Variants in ADAMTS13 observed in about 807,000 individuals in gnomAD.
ADAMTS13 encodes ADAM metallopeptidase with thrombospondin type 1 motif 13.
Under a neutral mutation model 155.1 loss-of-function variants are expected in ADAMTS13, and 110 were observed. The observed-to-expected ratio is 0.71, with a 90% CI of 0.61 to 0.83. The LOEUF is 0.83. Ranked by LOEUF, ADAMTS13 falls within the 40% of genes least tolerant of loss-of-function variation. The pLI is 0.00. For synonymous variants in ADAMTS13, 758 were observed against 756.4 expected (o/e 1.00, Z -0.03); for missense variants, 1,707 against 1,891.7 (o/e 0.90, Z 1.81).
chr9:133,429,801 G>C (rs1554786558), intron 7 of ADAMTS13, 138 bp from the exon 8 acceptor site: 1 of 1,181,510 alleles, frequency 8.5e-7, no homozygotes, highest in South Asian at 1.3e-5. Context: ...GGTGGGGGGC[G>C]CGGGCCGAGA....
intron 24 of ADAMTS13, among the ~76,000 whole-genome samples, chr9:133,454,837 C>T (rs372920181): frequency 3.3e-5 from 5 of 152,034 alleles, no homozygotes; most frequent in East Asian, 1.9e-4. Context: ...GGTTTGGGGA[C>T]GCTGGAAGAT....
At chr9:133,428,160 T>A (rs1034457311) in intron 6 of ADAMTS13, among the ~76,000 whole-genome samples, 7 of 150,414 alleles carry the variant, frequency 4.7e-5, no homozygotes, top group African/African-American at 1.7e-4. Flanking sequence ...ACGGTTCACC[T>A]TCCTGGCCTA....
rs910327853 is a variant in ADAMTS13, at chr9:133,440,856, C to T, written c.1968+331C>T. Reference sequence around the variant, plus strand: ...TGATGGAGCTGAGGTGTCAGATGAGCAGATGTTGCTGGGCCAAGCAGGGAA... The same window carrying T: ...TGATGGAGCTGAGGTGTCAGATGAGTAGATGTTGCTGGGCCAAGCAGGGAA... On this transcript the variant is annotated intron_variant, in intron 16 of 28. Coordinates refer to ENST00000355699, the MANE Select transcript of ADAMTS13 (RefSeq NM_139027.6). This position sits in a 1 kb window ranked among gnomAD's most constrained non-coding sequence, Gnocchi z 4.3. Among the ~76,000 whole-genome samples the T allele has an allele frequency of 6.6e-6, 1 of 151,884 alleles. No homozygotes were observed. The highest frequency in any genetic ancestry group is 1.5e-5 in the Non-Finnish European group (1 of 67,956).
intron 18 of ADAMTS13, 42 bp downstream of exon 18, chr9:133,442,785 G>T (rs1346938857): frequency 6.3e-7 from 1 of 1,590,610 alleles, no homozygotes. Context: ...GGGGAGAGAG[G>T]GTTCCGCTGG....
chr9:133,435,977 C>CTTTT (rs781795173), intron 11 of ADAMTS13, among the ~76,000 whole-genome samples: 2 of 128,398 alleles, frequency 1.6e-5, no homozygotes, highest in Non-Finnish European at 3.3e-5. Context: ...CTTTTCTCTT[C>CTTTT]TTTTTTTTTT....
intron 6 of ADAMTS13, among the ~76,000 whole-genome samples, chr9:133,427,473 T>C (rs1047162632): frequency 5.9e-5 from 9 of 152,184 alleles, no homozygotes; most frequent in Non-Finnish European, 1.2e-4. Flanking sequence ...TTTCAACCCC[T>C]CTGAGCCTGG....
At chr9:133,455,943 A>G in intron 25 of ADAMTS13, 126 bp from the exon 26 acceptor site, 4 of 1,303,780 alleles carry the variant, frequency 3.1e-6, no homozygotes, top group Admixed American at 1.8e-5. Context: ...GAAGGCTTCC[A>G]GCTGGGCCTT....
intron 1 of ADAMTS13, chr9:133,415,082 C>CGT: frequency 7.9e-7 from 1 of 1,258,874 alleles, no homozygotes; most frequent in Non-Finnish European, 1.1e-6. Context: ...AAAAAACTTA[C>CGT]GTGTGTATGT....
At chr9:133,433,098 A>G (rs1434231151) in intron 9 of ADAMTS13, among the ~76,000 whole-genome samples, 22 of 76,632 alleles carry the variant, frequency 2.9e-4, no homozygotes, top group African/African-American at 1.0e-3. Flanking sequence ...TTCTGTGTGT[A>G]TGTTGGGGGG....
chr9:133,415,349 G>A (rs1169100024), intron 1 of ADAMTS13, among the ~76,000 whole-genome samples: 1 of 151,540 alleles, frequency 6.6e-6, no homozygotes, highest in Non-Finnish European at 1.5e-5. Context: ...AGCTTATCTA[G>A]AAAGAATTTT....
Position 133,444,997 on chromosome 9 carries a change from A to C in ADAMTS13, c.2555A>C (p.Lys852Thr). The change falls in exon 20 of 29, where the codon AAG becomes ACG. Residue 852 changes from lysine (K) to threonine (T), a missense_variant. Physicochemically the swap from Lys to Thr is moderately conservative, Grantham distance 78 (BLOSUM62 -1). Transcript: ENST00000355699. ...VTEGPGSVDE[K>T]LPAPEPCVGM... is the part of the protein sequence containing the mutation. ...GAGGGGCCTGGCTCCGTAGATGAGA[A>C]GCTGCCTGCCCCTGAGCCCTGTGTC... The C allele has an allele frequency of 6.2e-7, 1 of 1,613,518 alleles. No individual in the cohort carries two copies. Among genetic ancestry groups the C allele is most frequent in the African/African-American group, 1.3e-5 (1 of 75,044 alleles).
upstream of ADAMTS13, chr9:133,417,533 C>A (rs1009219821): frequency 2.4e-5 from 34 of 1,411,256 alleles, no homozygotes; most frequent in Non-Finnish European, 3.1e-5. Flanking sequence ...CTTTACAGGT[C>A]TTTTGGGGCT....
chr9:133,452,023 CTGTTG>C (rs1259756053), intron 23 of ADAMTS13, among the ~76,000 whole-genome samples: 1 of 148,154 alleles, frequency 6.7e-6, no homozygotes, highest in Middle Eastern at 3.5e-3. Flanking sequence ...TAACTAGCAT[CTGTTG>C]GACAAGCCCT....
Position 133,440,104 on chromosome 9 carries a change from T to C in ADAMTS13, c.1787-240T>C, listed in dbSNP as rs587600909. On this transcript the variant is annotated intron_variant, in intron 15 of 28. Coordinates refer to ENST00000355699, the MANE Select transcript of ADAMTS13 (RefSeq NM_139027.6). This position sits in a 1 kb window ranked among gnomAD's most constrained non-coding sequence, Gnocchi z 4.3. ...CTTTGAAGCCTTGGTTGCCGGCACT[T>C]GCCATGGGGTCCCTGAGCCCTGAGC... Among the ~76,000 whole-genome samples, 1 of 152,362 alleles carries C rather than the reference T, an allele frequency of 6.6e-6. No homozygotes were observed. The highest frequency in any genetic ancestry group is 1.9e-4 in the East Asian group (1 of 5,182).
At chr9:133,442,819 C>T (rs1246517601) in intron 18 of ADAMTS13, 76 bp downstream of exon 18, 1 of 1,519,880 alleles carries the variant, frequency 6.6e-7, no homozygotes, top group African/African-American at 1.4e-5. Context: ...TGTCCCTGGC[C>T]TATGGGGCCC....
intron 23 of ADAMTS13, among the ~76,000 whole-genome samples, chr9:133,452,450 G>C (rs1842491357): frequency 6.6e-6 from 1 of 152,066 alleles, no homozygotes; most frequent in South Asian, 2.1e-4. Context: ...TTTAACATCT[G>C]TGTCACTAGT....
intron 16 of ADAMTS13, 139 bp from the exon 17 acceptor site, chr9:133,442,260 C>A: frequency 7.3e-7 from 1 of 1,361,334 alleles, no homozygotes; most frequent in Non-Finnish European, 1.0e-6. Context: ...CATGAGCTAC[C>A]GTGCCTGGCC....
chr9:133,455,446 C>T lies in ADAMTS13; in HGVS notation c.3400+11C>T, dbSNP rs782164825. On this transcript the variant is annotated intron_variant, in intron 25 of 28. Transcript: ENST00000355699. ...CCTGTGTGGGACAGGGTACGCCCAG[C>T]CTGGTGCCCCACGAAGAAGCCGCTG... 3.7e-6 allele frequency: 6 copies of T among 1,612,370 alleles called. 1 individual carries two copies. The South Asian group carries it at 4.4e-5, about 12-fold the overall frequency.
intron 19 of ADAMTS13, among the ~76,000 whole-genome samples, chr9:133,444,640 C>A (rs587760928): frequency 1.1e-4 from 16 of 152,274 alleles, no homozygotes; most frequent in African/African-American, 3.8e-4. Flanking sequence ...GGGTGCCTGA[C>A]TGTTGAGCAG....
Sources: allele counts gnomAD v4.1 joint callset (sites outside exome capture counted in the v4.1 genomes callset), GRCh38; gene constraint gnomAD v4.1.1; non-coding constraint Gnocchi (gnomAD v3.1); transcripts MANE v1.5; gene names NCBI Gene and HGNC (gene_info 2026-07-23, HGNC 2026-07-21).